Variants in SEZ6L observed in about 807,000 individuals in gnomAD.
The protein encoded by SEZ6L is seizure related 6 homolog like, also known as seizure 6-like protein.
A neutral mutation model predicts 106.2 loss-of-function variants in SEZ6L; 37 were observed. The observed-to-expected ratio is 0.35, with a 90% confidence interval of 0.27 to 0.46. SEZ6L has a LOEUF of 0.46. Among genes scored for constraint, SEZ6L ranks in the 20% least tolerant of loss-of-function variants. The pLI is 1.00. For synonymous variants in SEZ6L, 541 were observed against 570.4 expected (o/e 0.95, Z 0.73); for missense variants, 1,172 against 1,332.8 (o/e 0.88, Z 1.88).
At chr22:26,258,213 A>G (rs536694715) in intron 1 of SEZ6L, among the ~76,000 whole-genome samples, 2 of 152,336 alleles carry the variant, frequency 1.3e-5, no homozygotes, top group African/African-American at 4.8e-5. Flanking sequence ...AGTTTCTTAC[A>G]TATCCATTCA....
At chr22:26,283,282 T>C (rs1356169030) in intron 1 of SEZ6L, among the ~76,000 whole-genome samples, 1 of 152,204 alleles carries the variant, frequency 6.6e-6, no homozygotes, top group Non-Finnish European at 1.5e-5. Context: ...CAAAGATGCG[T>C]ATTAATTGCA....
intron 1 of SEZ6L, among the ~76,000 whole-genome samples, chr22:26,235,194 G>C (rs974665286): frequency 2.6e-5 from 4 of 152,146 alleles, no homozygotes; most frequent in Non-Finnish European, 4.4e-5. Flanking sequence ...CAGGAGGGTG[G>C]AGAAGGGGAA....
intron 1 of SEZ6L, among the ~76,000 whole-genome samples, chr22:26,288,232 C>CAAAA (rs1215176543): frequency 1.3e-5 from 2 of 152,188 alleles, no homozygotes; most frequent in East Asian, 3.8e-4. Context: ...ACTTGGAAGA[C>CAAAA]AAAACAGATG....
At chr22:26,211,804 T>TAAAAA (rs56124325) in intron 1 of SEZ6L, among the ~76,000 whole-genome samples, 13 of 48,076 alleles carry the variant, frequency 2.7e-4, no homozygotes, top group East Asian at 1.9e-3. Flanking sequence ...ACCTCGTCTC[T>TAAAAA]AAAAAAAAAA....
intron 1 of SEZ6L, among the ~76,000 whole-genome samples, chr22:26,254,398 A>T (rs925041317): frequency 3.3e-5 from 5 of 152,082 alleles, no homozygotes; most frequent in African/African-American, 1.2e-4. Flanking sequence ...GGAAGCAGAA[A>T]CGGAGAGCAG....
intron 1 of SEZ6L, among the ~76,000 whole-genome samples, chr22:26,263,321 C>A (rs929562747): frequency 6.6e-6 from 1 of 152,218 alleles, no homozygotes; most frequent in Non-Finnish European, 1.5e-5. Context: ...GCAGAAGTAG[C>A]CCCCACCCGT....
intron 1 of SEZ6L, among the ~76,000 whole-genome samples, chr22:26,241,076 C>T (rs893127019): frequency 5.3e-5 from 8 of 152,112 alleles, no homozygotes; most frequent in East Asian, 1.9e-4. Context: ...CGGCCCTGTT[C>T]GTTCATCATT....
At chr22:26,377,351 A>G (rs929526926) in intron 15 of SEZ6L, among the ~76,000 whole-genome samples, 2 of 152,138 alleles carry the variant, frequency 1.3e-5, no homozygotes, top group African/African-American at 4.8e-5. Flanking sequence ...ATAAATGCTC[A>G]TCCTTGTTCT....
chr22:26,362,911 C>T (rs145718204), intron 12 of SEZ6L, among the ~76,000 whole-genome samples: 15 of 152,310 alleles, frequency 9.8e-5, no homozygotes, highest in East Asian at 9.6e-4. Context: ...ATCAAAGTCC[C>T]GATTCTTCAT....
At chr22:26,237,135 C>T (rs1005361678) in intron 1 of SEZ6L, among the ~76,000 whole-genome samples, 5 of 152,126 alleles carry the variant, frequency 3.3e-5, no homozygotes, top group Non-Finnish European at 7.4e-5. Flanking sequence ...ACTTCCCCTC[C>T]CTGAGCCTCA....
At chr22:26,224,442 A>AT in intron 1 of SEZ6L, among the ~76,000 whole-genome samples, 1 of 152,194 alleles carries the variant, frequency 6.6e-6, no homozygotes, top group Non-Finnish European at 1.5e-5. Context: ...CAGATCATCT[A>AT]GTGCCCTTAA....
Position 26,311,808 on chromosome 22 carries a change from T to G in SEZ6L, c.1722T>G (p.Asn574Lys), listed in dbSNP as rs1248189218. Residue 574 changes from asparagine to lysine, a missense_variant, in exon 8 of 17, where the codon AAT (asparagine) becomes AAG (lysine). Physicochemically the swap from Asn to Lys is moderately conservative, Grantham distance 94. This residue lies in a region of SEZ6L where 534 missense variants were observed against 691.0 expected (regional missense o/e 0.77). Coordinates refer to ENST00000248933, the MANE Select transcript of SEZ6L (RefSeq NM_021115.5). ...KGHCYEPYIQ[N>K]GNFTTSDPTY... ...ACTGCTATGAGCCCTACATCCAGAATGGGAACTTCACTACATCCGACCCGA... is the reference window on the plus strand; with the variant it reads ...ACTGCTATGAGCCCTACATCCAGAAGGGGAACTTCACTACATCCGACCCGA... 6.2e-7 allele frequency: 1 copy of G among 1,614,214 alleles called. No individual in the cohort carries two copies. Among genetic ancestry groups the G allele is most frequent in the Admixed American group, 1.7e-5 (1 of 60,024 alleles).
intron 1 of SEZ6L, among the ~76,000 whole-genome samples, chr22:26,227,960 C>T (rs1489831587): frequency 2.6e-5 from 4 of 152,170 alleles, no homozygotes; most frequent in African/African-American, 4.8e-5. Context: ...ACAAGCCCCG[C>T]GAGAGTGGAG....
At chr22:26,196,753 G>A (rs569065087) in intron 1 of SEZ6L, among the ~76,000 whole-genome samples, 4 of 152,322 alleles carry the variant, frequency 2.6e-5, no homozygotes, top group African/African-American at 9.6e-5. Context: ...GGTACAGGGA[G>A]AAGCAACAGG....
At chr22:26,197,813 G>A (rs5997051) in intron 1 of SEZ6L, among the ~76,000 whole-genome samples, 35,221 of 152,050 alleles carry the variant, frequency 0.23, 4,353 homozygotes, top group Non-Finnish European at 0.26. Context: ...TTAGACATGC[G>A]AGTGGCCTTT....
chr22:26,318,481 A>C (rs906447005), intron 9 of SEZ6L, among the ~76,000 whole-genome samples: 2 of 151,990 alleles, frequency 1.3e-5, no homozygotes, highest in Non-Finnish European at 2.9e-5. Flanking sequence ...CAAATGATTA[A>C]GGTGATTGAG....
chr22:26,293,254 G>C (rs2081197321), intron 2 of SEZ6L, 108 bp downstream of exon 2: 1 of 1,401,424 alleles, frequency 7.1e-7, no homozygotes. Flanking sequence ...CCCACCATCA[G>C]TTACCGTCCA....
At chr22:26,312,983 T>A (rs954767579) in intron 8 of SEZ6L, among the ~76,000 whole-genome samples, 1 of 152,218 alleles carries the variant, frequency 6.6e-6, no homozygotes, top group Non-Finnish European at 1.5e-5. Flanking sequence ...TGGCAGTTGG[T>A]GTGAAATCAC....
At chr22:26,271,747 G>A (rs531379680) in intron 1 of SEZ6L, among the ~76,000 whole-genome samples, 1 of 152,314 alleles carries the variant, frequency 6.6e-6, no homozygotes, top group Non-Finnish European at 1.5e-5. Flanking sequence ...CTGGCACCAT[G>A]CTTTCTGTAC....
Sources: allele counts gnomAD v4.1 joint callset (sites outside exome capture counted in the v4.1 genomes callset), GRCh38; gene constraint gnomAD v4.1.1; regional missense constraint gnomAD v4.1.1; transcripts MANE v1.5; gene names NCBI Gene and HGNC (gene_info 2026-07-23, HGNC 2026-07-21).